Variants in CDC42EP4 observed in about 807,000 individuals in gnomAD.
CDC42EP4 encodes the protein CDC42 effector protein (Rho GTPase binding) 4.
Under a neutral mutation model 5.6 loss-of-function variants are expected in CDC42EP4, and 6 were observed. The ratio of observed to expected loss-of-function variants is 1.07; its 90% confidence interval spans 0.59 to 2.12. The LOEUF (loss-of-function observed/expected upper bound fraction) is 2.12, where lower values mean the gene tolerates loss of function less well. Among genes scored for constraint, CDC42EP4 ranks in the 30% most tolerant of loss-of-function variants. CDC42EP4 has a pLI of 0.00. For synonymous variants in CDC42EP4, 230 were observed against 224.2 expected (o/e 1.03, Z -0.23); for missense variants, 490 against 508.6 (o/e 0.96, Z 0.35).
In CDC42EP4 at chr17:73,286,795, G is replaced by A. The variant is rs1240806385; in HGVS notation, c.-112-183C>T. On this transcript the variant is annotated intron_variant, in intron 1 of 1. Coordinates refer to ENST00000335793, the MANE Select transcript of CDC42EP4 (RefSeq NM_012121.5). This position sits in a 1 kb window ranked among gnomAD's most constrained non-coding sequence, Gnocchi z 7.7. The stretch of plus-strand genomic sequence containing the variant: ...TTCATCCGCAGGCATTCAGAGTAGA[G>A]GAGTGATTTTGCAAATCTGGTTAGA... 2.8e-6 allele frequency: 1 copy of A among 356,644 alleles called. No individual in the cohort carries two copies. Among genetic ancestry groups the A allele is most frequent in the East Asian group, 4.4e-5 (1 of 22,552 alleles). 22.1% of individuals were successfully genotyped at this position (356,644 alleles called of 1,614,324 possible). A position where few individuals can be genotyped will look rare whatever the true frequency, so the allele number is the denominator to read the frequency against.
chr17:73,295,663 G>A (rs1962429), intron 1 of CDC42EP4, among the ~76,000 whole-genome samples: 2 of 152,144 alleles, frequency 1.3e-5, no homozygotes, highest in African/African-American at 2.4e-5. Context: ...AGCACTTTGG[G>A]AGGCTGAGGT....
intron 1 of CDC42EP4, among the ~76,000 whole-genome samples, chr17:73,302,806 G>C (rs1002251837): frequency 4.6e-5 from 7 of 152,028 alleles, no homozygotes; most frequent in Non-Finnish European, 8.8e-5. Flanking sequence ...ACTTTGGGAG[G>C]CCGAGGCGGG....
intron 1 of CDC42EP4, among the ~76,000 whole-genome samples, chr17:73,309,501 G>T (rs2062262548): frequency 6.6e-6 from 1 of 152,140 alleles, no homozygotes; most frequent in Admixed American, 6.5e-5. Flanking sequence ...GGTGCTGTCG[G>T]GTTCCAGAGG....
rs369393511 is a variant in CDC42EP4 at position 73,286,432 on chromosome 17, C to T, written c.69G>A (p.Thr23=). 3.9e-5 allele frequency: 63 copies of T among 1,613,050 alleles called. No homozygotes were observed. In the Middle Eastern group the frequency reaches 5.0e-4, roughly 13 times the overall value. ...CCAGCGGGGCGCTGATCATCTCGGC[C>T]GTGAGGTCCGCTCGGGAACGGCGCT... The part of the protein sequence containing the change: ...HSKRRSRADL[T]AEMISAPLGD... Residue 23 remains threonine (T), a synonymous_variant, in exon 2 of 2, where the codon ACG becomes ACA. Transcript: ENST00000335793. The surrounding 1 kb of genome is among the most constrained non-coding windows in gnomAD (Gnocchi z 7.7).
rs1024868001 is a variant in CDC42EP4, at chr17:73,285,340, G to A, written c.*90C>T. The A allele has an allele frequency of 1.7e-5, 18 of 1,043,952 alleles. No individual in the cohort carries two copies. Among genetic ancestry groups the A allele is most frequent in the Non-Finnish European group, 2.5e-5 (18 of 713,172 alleles). 64.7% of individuals were successfully genotyped at this position (1,043,952 alleles called of 1,614,324 possible). A position where few individuals can be genotyped will look rare whatever the true frequency, so the allele number is the denominator to read the frequency against. ...ATGGTCTGAATCAAGGGTCCTGGCT[G>A]CCCCTGCGCCGTAGGGTCAAAGGTC... On this transcript the variant is annotated 3_prime_UTR_variant, in exon 2 of 2. Transcript: ENST00000335793. The surrounding 1 kb of genome is among the most constrained non-coding windows in gnomAD (Gnocchi z 6.8).
At chr17:73,298,836 T>C (rs1338348746) in intron 1 of CDC42EP4, among the ~76,000 whole-genome samples, 1 of 152,168 alleles carries the variant, frequency 6.6e-6, no homozygotes. Flanking sequence ...GAGGACAACA[T>C]ACATTTATGC....
intron 1 of CDC42EP4, among the ~76,000 whole-genome samples, chr17:73,287,439 C>A (rs1272224819): frequency 1.3e-5 from 2 of 152,136 alleles, no homozygotes; most frequent in Non-Finnish European, 2.9e-5. Context: ...ATGACTTCGT[C>A]CCCCCAGGAT....
At position 73,285,526 on chromosome 17, in the gene CDC42EP4, G is replaced by A; in HGVS notation, c.975C>T (p.Phe325=). The change falls in exon 2 of 2, where the codon TTC becomes TTT. Residue 325 remains phenylalanine, a synonymous_variant. Transcript: ENST00000335793. The surrounding 1 kb of genome is among the most constrained non-coding windows in gnomAD (Gnocchi z 6.8). The part of the protein sequence containing the change: ...SGILEERSPA[F]RGPDRARAAV... ...CAGCCCGGGCCCTGTCCGGCCCCCGGAAGGCAGGGCTGCGCTCCTCCAGGA... is the reference window on the plus strand; with the variant it reads ...CAGCCCGGGCCCTGTCCGGCCCCCGAAAGGCAGGGCTGCGCTCCTCCAGGA... The A allele has an allele frequency of 6.2e-7, 1 of 1,610,704 alleles. No homozygotes were observed. The highest frequency in any genetic ancestry group is 1.7e-5 in the Admixed American group (1 of 59,962).
At position 73,285,703 on chromosome 17, in the gene CDC42EP4, T is replaced by C; in HGVS notation, c.798A>G (p.Glu266=). ...AGGGCAAGTCTGGGCCAGCCTTGCC[T>C]TCCTGCCTTGCCAGGGGAGGGGCCG... ...AVAAPPLARQ[E]GKAGPDLPSL... The change falls in exon 2 of 2, where the codon GAA becomes GAG. Residue 266 remains glutamate (E), a synonymous_variant. Coordinates refer to ENST00000335793, the MANE Select transcript of CDC42EP4 (RefSeq NM_012121.5). This position sits in a 1 kb window ranked among gnomAD's most constrained non-coding sequence, Gnocchi z 6.8. 1 of 1,571,764 alleles carries C rather than the reference T, an allele frequency of 6.4e-7. No individual in the cohort carries two copies. The highest frequency in any genetic ancestry group is 8.7e-7 in the Non-Finnish European group (1 of 1,153,350).
At position 73,285,249 on chromosome 17, in the gene CDC42EP4, G is replaced by T. The variant is rs1181953102; in HGVS notation, c.*181C>A. The stretch of plus-strand genomic sequence containing the variant: ...AGGCAGCCAGTCGGCACCCATGCCA[G>T]CCCCCTACGTCCTCCGAAGACCCGA... On this transcript the variant is annotated 3_prime_UTR_variant, in exon 2 of 2. Transcript: ENST00000335793. This position sits in a 1 kb window ranked among gnomAD's most constrained non-coding sequence, Gnocchi z 6.8. 20 of 490,112 alleles carry T rather than the reference G, an allele frequency of 4.1e-5. No individual in the cohort carries two copies. Among genetic ancestry groups the T allele is most frequent in the Non-Finnish European group, 5.0e-5 (14 of 279,812 alleles). 30.4% of individuals were successfully genotyped at this position (490,112 alleles called of 1,614,324 possible).
intron 1 of CDC42EP4, among the ~76,000 whole-genome samples, chr17:73,298,835 A>G (rs2062201924): frequency 1.3e-5 from 2 of 152,176 alleles, no homozygotes; most frequent in South Asian, 4.1e-4. Flanking sequence ...TGAGGACAAC[A>G]TACATTTATG....
chr17:73,300,918 G>A (rs995992444), intron 1 of CDC42EP4, among the ~76,000 whole-genome samples: 3 of 151,880 alleles, frequency 2.0e-5, no homozygotes, highest in Admixed American at 6.6e-5. Context: ...GGTGGCGTGC[G>A]CCTGTAATCC....
At chr17:73,300,682 A>G (rs2062214335) in intron 1 of CDC42EP4, among the ~76,000 whole-genome samples, 1 of 152,202 alleles carries the variant, frequency 6.6e-6, no homozygotes, top group African/African-American at 2.4e-5. Flanking sequence ...ACTTCACACT[A>G]CACAATATAC....
chr17:73,308,294 G>C (rs1183032993), intron 1 of CDC42EP4, among the ~76,000 whole-genome samples: 1 of 152,168 alleles, frequency 6.6e-6, no homozygotes. Flanking sequence ...CCTCCAGTAC[G>C]TAGGTCAGAA....
At chr17:73,301,056 T>TA (rs58376913) in intron 1 of CDC42EP4, among the ~76,000 whole-genome samples, 3,217 of 124,536 alleles carry the variant, frequency 0.026, 119 homozygotes, top group African/African-American at 0.083. Flanking sequence ...TCAAAAAAAT[T>TA]AAAAAAAAAA....
At chr17:73,294,525 G>T (rs2062175609) in intron 1 of CDC42EP4, among the ~76,000 whole-genome samples, 1 of 152,132 alleles carries the variant, frequency 6.6e-6, no homozygotes, top group South Asian at 2.1e-4. Context: ...CTTGCCCTAG[G>T]TCATGGATTG....
In CDC42EP4 at chr17:73,299,291, G is replaced by A. The variant is rs149202275; in HGVS notation, c.-113+12602C>T. Among the ~76,000 whole-genome samples, 318 of 151,942 alleles carry A rather than the reference G, an allele frequency of 2.1e-3. 3 individuals carry two copies. The highest frequency in any genetic ancestry group is 7.4e-3 in the African/African-American group (307 of 41,462). ...ATTTAAAAAAAAAAATTAGCCAGGC[G>A]TGGTGGTGGGCGCCTGTAGTCCCAG... On this transcript the variant is annotated intron_variant, in intron 1 of 1. Transcript: ENST00000335793.
Position 73,285,825 on chromosome 17 carries a change from C to T in CDC42EP4, c.676G>A (p.Asp226Asn). Residue 226 changes from aspartate (D) to asparagine (N), a missense_variant, in exon 2 of 2, where the codon GAC becomes AAC. Coordinates refer to ENST00000335793, the MANE Select transcript of CDC42EP4 (RefSeq NM_012121.5). The surrounding 1 kb of genome is among the most constrained non-coding windows in gnomAD (Gnocchi z 6.8). Reference protein sequence around the residue: ...SMLGDVLSIMDKEEWDPEEGE... With the variant: ...SMLGDVLSIMNKEEWDPEEGE... ...TCCTCGGGGTCCCACTCCTCCTTGTCCATGATGCTGAGGACGTCACCCAGC... is the reference window on the plus strand; with the variant it reads ...TCCTCGGGGTCCCACTCCTCCTTGTTCATGATGCTGAGGACGTCACCCAGC... 1.2e-6 allele frequency: 2 copies of T among 1,612,700 alleles called. No homozygotes were observed. The highest frequency in any genetic ancestry group is 1.7e-6 in the Non-Finnish European group (2 of 1,178,862).
intron 1 of CDC42EP4, among the ~76,000 whole-genome samples, chr17:73,299,581 A>AGCACGAACC (rs919379663): frequency 6.6e-6 from 1 of 152,058 alleles, no homozygotes; most frequent in African/African-American, 2.4e-5. Flanking sequence ...TGGGATTACA[A>AGCACGAACC]GCACGAACCG....
Sources: gnomAD v4.1 joint callset for allele counts (sites outside exome capture counted in the v4.1 genomes callset) on GRCh38, gnomAD v4.1.1 for gene constraint, Gnocchi (gnomAD v3.1) non-coding constraint, MANE v1.5 for transcripts, NCBI Gene and HGNC (gene_info 2026-07-23, HGNC 2026-07-21) for gene names.